SPINK5: variants seen among roughly 807,000 people sequenced by gnomAD.
The protein encoded by SPINK5 is serine peptidase inhibitor Kazal type 5, also known as serine protease inhibitor Kazal-type 5.
Under a neutral mutation model 151.8 loss-of-function variants are expected in SPINK5, and 125 were observed. That is an observed-to-expected ratio of 0.82 (90% confidence interval 0.71 to 0.96). The LOEUF (loss-of-function observed/expected upper bound fraction) is 0.96, where lower values mean the gene tolerates loss of function less well. SPINK5 is among the 40% of genes least tolerant of loss of function. The pLI is 0.00. For synonymous variants in SPINK5, 374 were observed against 395.3 expected, an observed-to-expected ratio of 0.95 and a Z score of 0.64; for missense variants, 1,194 against 1,291.9, an observed-to-expected ratio of 0.92 and a Z score of 1.16.
chr5:148,083,351 T>C (rs1054498565), intron 4 of SPINK5, among the ~76,000 whole-genome samples: 5 of 151,632 alleles, frequency 3.3e-5, no homozygotes, highest in African/African-American at 7.2e-5. Flanking sequence ...ACATGGGTTC[T>C]TTTTTAAACA....
chr5:148,088,800 G>A (rs1353042379), intron 6 of SPINK5, among the ~76,000 whole-genome samples, 195 bp downstream of exon 6: 1 of 150,554 alleles, frequency 6.6e-6, no homozygotes, highest in African/African-American at 2.4e-5. Context: ...AGATTACTTT[G>A]GTGGTTAGAT....
intron 6 of SPINK5, among the ~76,000 whole-genome samples, chr5:148,088,835 TAAA>T (rs397777404): frequency 6.8e-6 from 1 of 146,424 alleles, no homozygotes; most frequent in Non-Finnish European, 1.5e-5. Context: ...CTGCTTTGTA[TAAA>T]AAAAAAAAGA....
At chr5:148,129,516 AAGAG>A (rs905130218) in intron 30 of SPINK5, among the ~76,000 whole-genome samples, 1 of 30,924 alleles carries the variant, frequency 3.2e-5, no homozygotes, top group Non-Finnish European at 1.1e-4. Flanking sequence ...TAAAAAAATG[AAGAG>A]AGAGAGAGAG....
At chr5:148,096,740 T>TAAGA (rs1753474968) in intron 10 of SPINK5, among the ~76,000 whole-genome samples, 1 of 143,608 alleles carries the variant, frequency 7.0e-6, no homozygotes, top group Non-Finnish European at 1.5e-5. Context: ...CTTTTTCTTT[T>TAAGA]TCTTTTCTTT....
chr5:148,123,987 T>C (rs1754363236), intron 27 of SPINK5, 27 bp downstream of exon 27: 1 of 1,613,030 alleles, frequency 6.2e-7, no homozygotes, highest in Non-Finnish European at 8.5e-7. Flanking sequence ...ATCAATAAAT[T>C]TGATAGTTGT....
chr5:148,133,827 T>C lies in SPINK5; in HGVS notation c.3126T>C (p.Ser1042=). Residue 1042 remains serine (S), a synonymous_variant, in exon 32 of 33, where the codon AGT becomes AGC. Coordinates refer to ENST00000256084, the MANE Select transcript of SPINK5 (RefSeq NM_006846.4). ...LIRQTNTHIR[S]TGKCEESSTP... ...GCCAAACAAATACACACATCCGCAGTACAGGGAAGTGTGAGGAGAGCAGCA... is the reference window on the plus strand; with the variant it reads ...GCCAAACAAATACACACATCCGCAGCACAGGGAAGTGTGAGGAGAGCAGCA... The C allele has an allele frequency of 6.2e-7, 1 of 1,614,022 alleles. No homozygotes were observed. The highest frequency in any genetic ancestry group is 1.1e-5 in the South Asian group (1 of 91,080).
intron 1 of SPINK5, 150 bp downstream of exon 1, chr5:148,064,249 A>T: frequency 1.2e-6 from 1 of 815,500 alleles, no homozygotes; most frequent in South Asian, 1.4e-5. Context: ...CTGAAGATTT[A>T]TATATGTGGC....
chr5:148,072,012 T>A, intron 3 of SPINK5, 136 bp from the exon 4 acceptor site: 1 of 758,858 alleles, frequency 1.3e-6, no homozygotes, highest in Non-Finnish European at 2.3e-6. Context: ...TGTGTCCACT[T>A]CTGAACATGC....
intron 17 of SPINK5, among the ~76,000 whole-genome samples, chr5:148,108,004 A>G (rs890044583): frequency 1.3e-5 from 2 of 152,218 alleles, no homozygotes; most frequent in African/African-American, 2.4e-5. Context: ...GATGCATACA[A>G]TTCCCTAAAA....
At chr5:148,088,655 A>C in intron 6 of SPINK5, 50 bp downstream of exon 6, 1 of 1,571,470 alleles carries the variant, frequency 6.4e-7, no homozygotes, top group Non-Finnish European at 8.7e-7. Context: ...CTAACTTCAA[A>C]TAGTAAGTAG....
intron 26 of SPINK5, 88 bp from the exon 27 acceptor site, chr5:148,123,745 A>ATGAGTT: frequency 1.3e-6 from 2 of 1,572,476 alleles, no homozygotes; most frequent in Non-Finnish European, 8.7e-7. Flanking sequence ...TTCCTGTGTT[A>ATGAGTT]TGAGTTTATA....
chr5:148,118,361 CA>C, intron 22 of SPINK5, 75 bp from the exon 23 acceptor site: 1 of 1,602,854 alleles, frequency 6.2e-7, no homozygotes, highest in Non-Finnish European at 8.5e-7. Flanking sequence ...TTCTCTTACT[CA>C]GACTGTTAAA....
At chr5:148,079,257 TA>T (rs1309169485) in intron 4 of SPINK5, among the ~76,000 whole-genome samples, 5 of 151,050 alleles carry the variant, frequency 3.3e-5, no homozygotes, top group Non-Finnish European at 5.9e-5. Flanking sequence ...ACTTACAGCA[TA>T]AGTAAAGACA....
At chr5:148,119,875 G>C in intron 24 of SPINK5, 134 bp from the exon 25 acceptor site, 2 of 905,024 alleles carry the variant, frequency 2.2e-6, no homozygotes, top group Non-Finnish European at 3.5e-6. Flanking sequence ...GTCTCTCTCT[G>C]TGGGACATTA....
intron 9 of SPINK5, among the ~76,000 whole-genome samples, chr5:148,095,094 G>A (rs1303226117): frequency 1.3e-5 from 2 of 151,834 alleles, no homozygotes; most frequent in African/African-American, 4.8e-5. Context: ...CCCTCCTCTT[G>A]TAGATTACAT....
At chr5:148,076,505 C>T (rs1051271811) in intron 4 of SPINK5, among the ~76,000 whole-genome samples, 4 of 151,706 alleles carry the variant, frequency 2.6e-5, no homozygotes, top group Non-Finnish European at 5.9e-5. Flanking sequence ...TTATAATCCA[C>T]GTTAGTGAGG....
At chr5:148,110,786 T>TCATGCAAATATCTAATG (rs1482490334) in intron 18 of SPINK5, among the ~76,000 whole-genome samples, 2 of 151,668 alleles carry the variant, frequency 1.3e-5, no homozygotes, top group Non-Finnish European at 2.9e-5. Context: ...ATTAGCCCCC[T>TCATGCAAATATCTAATG]CATGCAAATA....
In SPINK5 at chr5:148,118,449, G is replaced by A. The variant is rs1364880317; in HGVS notation, c.2125G>A (p.Glu709Lys). 3.7e-6 allele frequency: 6 copies of A among 1,614,134 alleles called. No individual in the cohort carries two copies. The South Asian group carries it at 5.5e-5, about 15-fold the overall frequency. ...TCTCTGTTTTCAGGACGAATGTGCT[G>A]AGTATCGGGAACAAATGAAAAATGG... ...GGGNTQDECA[E>K]YREQMKNGRL... Residue 709 changes from glutamate (E) to lysine (K), a missense_variant, in exon 23 of 33, where the codon GAG becomes AAG. Glu to Lys is a moderately conservative substitution (Grantham distance 56, BLOSUM62 1). Transcript: ENST00000256084.
intron 13 of SPINK5, 100 bp downstream of exon 13, chr5:148,100,681 A>C: frequency 7.4e-7 from 1 of 1,352,214 alleles, no homozygotes; most frequent in Non-Finnish European, 1.0e-6. Flanking sequence ...ATAAAAATGA[A>C]AGAATTAAGG....
Sources: gnomAD v4.1 joint callset for allele counts (sites outside exome capture counted in the v4.1 genomes callset) on GRCh38, gnomAD v4.1.1 for gene constraint, MANE v1.5 for transcripts, NCBI Gene and HGNC (gene_info 2026-07-23, HGNC 2026-07-21) for gene names.